Variants in FSTL3 observed in about 807,000 individuals in gnomAD.
FSTL3 encodes the protein follistatin-related protein 3.
Under a neutral mutation model 28.1 loss-of-function variants are expected in FSTL3, and 21 were observed. The ratio of observed to expected loss-of-function variants is 0.75; its 90% CI spans 0.53 to 1.08. The LOEUF (loss-of-function observed/expected upper bound fraction) is 1.08. FSTL3 is among the 50% of genes least tolerant of loss of function. The probability of loss-of-function intolerance (pLI) is 0.00; values close to 1 mark genes in which losing one functional copy is unlikely to be tolerated. For synonymous variants in FSTL3, 199 were observed against 164.2 expected, an observed-to-expected ratio of 1.21 and a Z score of -1.62; for missense variants, 400 against 380.9, an observed-to-expected ratio of 1.05 and a Z score of -0.42.
rs1415662264 is a variant in FSTL3, at chr19:677,775, C to A, written c.104-17C>A. On this transcript the variant is annotated splice_polypyrimidine_tract_variant and intron_variant, in intron 1 of 4. Coordinates refer to ENST00000166139, the MANE Select transcript of FSTL3 (RefSeq NM_005860.3). Reference sequence around the variant, plus strand: ...TCAGGAGTGGCCCAGGAGAGCACCCCGTTCCCCGGCCCGCAGGTGGTGTTT... The same window carrying A: ...TCAGGAGTGGCCCAGGAGAGCACCCAGTTCCCCGGCCCGCAGGTGGTGTTT... 1 of 1,594,686 alleles carries A rather than the reference C, an allele frequency of 6.3e-7. No homozygotes were observed. The highest frequency in any genetic ancestry group is 8.5e-7 in the Non-Finnish European group (1 of 1,174,120).
intron 3 of FSTL3, 149 bp from the exon 4 acceptor site, chr19:681,183 GA>G (rs1223749587): frequency 1.4e-5 from 8 of 569,588 alleles, no homozygotes; most frequent in East Asian, 1.2e-4. Flanking sequence ...GTGGAATGGA[GA>G]GGGGGGCTCA....
Position 681,748 on chromosome 19 carries a change from C to A in FSTL3, c.*40C>A. The A allele has an allele frequency of 6.7e-7, 1 of 1,490,792 alleles. No individual in the cohort carries two copies. The highest frequency in any genetic ancestry group is 9.1e-7 in the Non-Finnish European group (1 of 1,094,352). 92.3% of individuals were successfully genotyped at this position (1,490,792 alleles called of 1,614,324 possible). Reference sequence around the variant, plus strand: ...CCTGGGCCTGGTGCCCGAGGCCCCCCATCATCCCCTGTTATTTATTGCCAC... The same window carrying A: ...CCTGGGCCTGGTGCCCGAGGCCCCCAATCATCCCCTGTTATTTATTGCCAC... On this transcript the variant is annotated 3_prime_UTR_variant, in exon 5 of 5. Transcript: ENST00000166139.
In FSTL3 at chr19:681,436, C is replaced by T. The variant is rs148799498; in HGVS notation, c.609C>T (p.Pro203=). 4.4e-6 allele frequency: 7 copies of T among 1,598,644 alleles called. No homozygotes were observed. Among genetic ancestry groups the T allele is most frequent in the East Asian group, 4.5e-5 (2 of 44,822 alleles). The part of the protein sequence containing the change: ...VVCRAAPCPV[P]SSPGQELCGN... ...GTCGAGCGGCGCCCTGCCCTGTGCC[C>T]TCCAGCCCCGGCCAGGAGCTTTGCG... Residue 203 remains proline, a synonymous_variant, in exon 4 of 5, where the codon CCC becomes CCT. Transcript: ENST00000166139.
intron 3 of FSTL3, chr19:680,777 A>G: frequency 9.3e-6 from 3 of 321,026 alleles, no homozygotes; most frequent in Non-Finnish European, 1.1e-5. Flanking sequence ...GGGCCTGAGT[A>G]AGGGCGTCTT....
rs377720232 is a variant in FSTL3, at chr19:681,490, G to T, written c.663G>T (p.Ser221=). 9 of 1,603,970 alleles carry T rather than the reference G, an allele frequency of 5.6e-6. No homozygotes were observed. Among genetic ancestry groups the T allele is most frequent in the Non-Finnish European group, 7.6e-6 (9 of 1,179,704 alleles). Residue 221 remains serine, a synonymous_variant, in exon 4 of 5, where the codon TCG becomes TCT. Coordinates refer to ENST00000166139, the MANE Select transcript of FSTL3 (RefSeq NM_005860.3). ...CGNNNVTYIS[S]CHMRQATCFL... is the part of the protein sequence containing the mutation. The stretch of plus-strand genomic sequence containing the variant: ...ACAACAACGTCACCTACATCTCCTC[G>T]TGCCACATGCGCCAGGCCACCTGCT...
At chr19:678,834 G>A (rs540240892) in intron 2 of FSTL3, among the ~76,000 whole-genome samples, 24 of 152,240 alleles carry the variant, frequency 1.6e-4, no homozygotes, top group African/African-American at 5.8e-4. Context: ...CTTGAAGGAG[G>A]TGGGCATTAG....
At position 682,192 on chromosome 19, in the gene FSTL3, G is replaced by T. The variant is rs1284922906; in HGVS notation, c.*484G>T. The T allele has an allele frequency of 3.2e-6, 1 of 314,246 alleles. No homozygotes were observed. Among genetic ancestry groups the T allele is most frequent in the East Asian group, 4.9e-5 (1 of 20,428 alleles). The allele number at this position is 314,246 out of a possible 1,614,324, so 19.5% of individuals were successfully genotyped here. On this transcript the variant is annotated 3_prime_UTR_variant, in exon 5 of 5. Coordinates refer to ENST00000166139, the MANE Select transcript of FSTL3 (RefSeq NM_005860.3). ...AGCCTGGGTGAGTACGGAGGGTCTAGCCTGGGTGAGTACGGAGGGTCTAGC... is the reference window on the plus strand; with the variant it reads ...AGCCTGGGTGAGTACGGAGGGTCTATCCTGGGTGAGTACGGAGGGTCTAGC...
intron 1 of FSTL3, 55 bp downstream of exon 1, chr19:676,581 C>T (rs1600657062): frequency 2.0e-6 from 1 of 508,244 alleles, no homozygotes; most frequent in East Asian, 6.0e-5. Flanking sequence ...TGGGGCTGCG[C>T]GGAATGCGGC....
intron 1 of FSTL3, among the ~76,000 whole-genome samples, 184 bp downstream of exon 1, chr19:676,710 A>G (rs960903196): frequency 1.4e-4 from 21 of 152,114 alleles, no homozygotes; most frequent in African/African-American, 4.6e-4. Context: ...AGAGGTTTCT[A>G]ATCACAATGA....
chr19:680,054 C>G (rs2031294771), intron 2 of FSTL3: 5 of 279,972 alleles, frequency 1.8e-5, no homozygotes, highest in Non-Finnish European at 3.3e-5. Flanking sequence ...CCCCCCAGCG[C>G]AGGCGCAGCG....
chr19:679,357 G>T (rs1242133684), intron 2 of FSTL3, among the ~76,000 whole-genome samples: 1 of 152,192 alleles, frequency 6.6e-6, no homozygotes, highest in Non-Finnish European at 1.5e-5. Context: ...ATCCCCTAAG[G>T]AGTGCCGCAC....
At chr19:677,620 G>A (rs1040525101) in intron 1 of FSTL3, among the ~76,000 whole-genome samples, 172 bp from the exon 2 acceptor site, 7 of 152,214 alleles carry the variant, frequency 4.6e-5, no homozygotes, top group East Asian at 1.9e-4. Flanking sequence ...GACATTTCCA[G>A]GGTTCTGGAG....
chr19:676,582 G>A (rs1426469883), intron 1 of FSTL3, 56 bp downstream of exon 1: 6 of 621,652 alleles, frequency 9.7e-6, no homozygotes, highest in African/African-American at 7.9e-5. Context: ...GGGGCTGCGC[G>A]GAATGCGGCC....
intron 1 of FSTL3, 83 bp downstream of exon 1, chr19:676,609 G>T (rs1411231436): frequency 4.6e-6 from 2 of 433,312 alleles, no homozygotes; most frequent in Admixed American, 5.2e-5. Context: ...ACGTCGGGGG[G>T]CGCGGCGGCG....
At chr19:678,088 G>C (rs367603332) in intron 2 of FSTL3, 111 bp downstream of exon 2, 4 of 1,006,996 alleles carry the variant, frequency 4.0e-6, no homozygotes, top group Non-Finnish European at 4.4e-6. Context: ...ACAGGGGTAT[G>C]TAGGAGGCTG....
In FSTL3 at chr19:682,694, G is replaced by A. The variant is rs904702682; in HGVS notation, c.*986G>A. ...CAGCGTCTCCCCTGCTGCTGTCCACGTCAGTTCATGAGGCAACGTCGCGTG... is the reference window on the plus strand; with the variant it reads ...CAGCGTCTCCCCTGCTGCTGTCCACATCAGTTCATGAGGCAACGTCGCGTG... On this transcript the variant is annotated 3_prime_UTR_variant, in exon 5 of 5. Transcript: ENST00000166139. The A allele has an allele frequency of 4.3e-5, 10 of 233,268 alleles. No individual in the cohort carries two copies. Among genetic ancestry groups the A allele is most frequent in the Admixed American group, 2.8e-4 (5 of 17,780 alleles). The allele number at this position is 233,268 out of a possible 1,614,324, so 14.4% of individuals were successfully genotyped here. A position where few individuals can be genotyped will look rare whatever the true frequency, so the allele number is the denominator to read the frequency against.
Position 681,390 on chromosome 19 carries a change from G to C in FSTL3, c.563G>C (p.Gly188Ala). Residue 188 changes from glycine to alanine, a missense_variant, in exon 4 of 5, where the codon GGC (glycine) becomes GCC (alanine). By Grantham distance (60) the Gly-to-Ala change is moderately conservative. Coordinates refer to ENST00000166139, the MANE Select transcript of FSTL3 (RefSeq NM_005860.3). ...RPQSCVVDQT[G>A]SAHCVVCRAA... is the part of the protein sequence containing the mutation. ...CAGTCGTGCGTCGTGGACCAGACGGGCAGCGCCCACTGCGTGGTGTGTCGA... is the reference window on the plus strand; with the variant it reads ...CAGTCGTGCGTCGTGGACCAGACGGCCAGCGCCCACTGCGTGGTGTGTCGA... 6.3e-7 allele frequency: 1 copy of C among 1,593,450 alleles called. No homozygotes were observed. The highest frequency in any genetic ancestry group is 8.5e-7 in the Non-Finnish European group (1 of 1,177,254).
At chr19:676,578 G>A (rs2031213459) in intron 1 of FSTL3, 52 bp downstream of exon 1, 5 of 632,906 alleles carry the variant, frequency 7.9e-6, no homozygotes, top group Non-Finnish European at 1.1e-5. Flanking sequence ...ACGTGGGGCT[G>A]CGCGGAATGC....
chr19:678,497 T>TG (rs1489150553), intron 2 of FSTL3, among the ~76,000 whole-genome samples: 5 of 129,040 alleles, frequency 3.9e-5, no homozygotes, highest in Non-Finnish European at 6.8e-5. Flanking sequence ...TGGAGGATGA[T>TG]GGTTTTTTTT....
Sources: allele counts gnomAD v4.1 joint callset (sites outside exome capture counted in the v4.1 genomes callset), GRCh38; gene constraint gnomAD v4.1.1; transcripts MANE v1.5; gene names NCBI Gene and HGNC (gene_info 2026-07-23, HGNC 2026-07-21).